Variants in SUGCT observed in about 807,000 individuals in gnomAD.
SUGCT encodes succinyl-CoA:glutarate-CoA transferase.
SUGCT carries 41 observed loss-of-function variants against 55.0 expected under a neutral mutation model. The observed-to-expected ratio is 0.74, with a 90% CI of 0.58 to 0.97. The LOEUF (loss-of-function observed/expected upper bound fraction) is 0.97. Ranked by LOEUF, SUGCT falls within the 50% of genes least tolerant of loss-of-function variation. The pLI, the probability that SUGCT is intolerant of heterozygous loss-of-function variation, is 0.00. For synonymous variants in SUGCT, 187 were observed against 200.4 expected (o/e 0.93, Z 0.56); for missense variants, 568 against 547.8 (o/e 1.04, Z -0.37).
intron 12 of SUGCT, among the ~76,000 whole-genome samples, chr7:40,565,184 A>T (rs1031789269): frequency 3.3e-5 from 5 of 152,196 alleles, no homozygotes; most frequent in Non-Finnish European, 5.9e-5. Flanking sequence ...TCAATTTTTT[A>T]CCATTACTCA....
chr7:40,859,134 A>G (rs1008287678), intron 13 of SUGCT, among the ~76,000 whole-genome samples: 4 of 152,242 alleles, frequency 2.6e-5, no homozygotes, highest in Non-Finnish European at 5.9e-5. Flanking sequence ...TCTTGTGACT[A>G]CTATATCATT....
intron 13 of SUGCT, among the ~76,000 whole-genome samples, chr7:40,789,511 T>G (rs1790201606): frequency 6.6e-6 from 1 of 152,220 alleles, no homozygotes; most frequent in African/African-American, 2.4e-5. Context: ...ATATACATTT[T>G]ATTAATCCAT....
the SUGCT span, among the ~76,000 whole-genome samples, chr7:40,940,671 A>T: frequency 6.6e-6 from 1 of 151,162 alleles, no homozygotes; most frequent in Non-Finnish European, 1.5e-5. Flanking sequence ...TCTTGATTTC[A>T]TTCTCAGATT....
intron 12 of SUGCT, among the ~76,000 whole-genome samples, chr7:40,510,213 A>G (rs1792844476): frequency 6.6e-6 from 1 of 152,110 alleles, no homozygotes; most frequent in Admixed American, 6.6e-5. Context: ...ATTTAATAAT[A>G]CTGTATTGCT....
chr7:40,532,178 T>C (rs989546256), intron 12 of SUGCT, among the ~76,000 whole-genome samples: 1 of 152,194 alleles, frequency 6.6e-6, no homozygotes, highest in Non-Finnish European at 1.5e-5. Flanking sequence ...TCTTCAGAAA[T>C]AAGGATCCAA....
chr7:40,454,851 A>G (rs1789391580), intron 10 of SUGCT, among the ~76,000 whole-genome samples: 1 of 152,202 alleles, frequency 6.6e-6, no homozygotes, highest in Non-Finnish European at 1.5e-5. Flanking sequence ...CCTCTAAAAT[A>G]ATTTTTCCAG....
At chr7:40,343,208 TG>T (rs1171034325) in intron 9 of SUGCT, among the ~76,000 whole-genome samples, 2 of 152,198 alleles carry the variant, frequency 1.3e-5, no homozygotes, top group Non-Finnish European at 2.9e-5. Flanking sequence ...TGTTTATTCC[TG>T]GGGTTATTAT....
At chr7:40,183,640 T>G (rs1307691987) in intron 3 of SUGCT, among the ~76,000 whole-genome samples, 1 of 152,230 alleles carries the variant, frequency 6.6e-6, no homozygotes, top group African/African-American at 2.4e-5. Flanking sequence ...CATTTTTTTC[T>G]ATTCCCAATA....
chr7:40,734,467 T>A (rs1249950906), intron 12 of SUGCT, among the ~76,000 whole-genome samples: 1 of 152,136 alleles, frequency 6.6e-6, no homozygotes, highest in Non-Finnish European at 1.5e-5. Flanking sequence ...ATAGAGATAA[T>A]AATGAAAAAT....
chr7:40,250,994 G>A (rs188968484), intron 7 of SUGCT, among the ~76,000 whole-genome samples: 3 of 146,488 alleles, frequency 2.0e-5, no homozygotes, highest in South Asian at 2.3e-4. Context: ...CTGCCACTGC[G>A]CCTAATTTTT....
At chr7:40,958,393 C>T in the SUGCT span, among the ~76,000 whole-genome samples, 16 of 151,856 alleles carry the variant, frequency 1.1e-4, no homozygotes, top group South Asian at 1.2e-3. Flanking sequence ...CTTGTCTTCA[C>T]GCTTTATTTC....
Position 40,378,114 on chromosome 7 carries a change from ATT to A in SUGCT, c.816+61268_816+61269del, listed in dbSNP as rs71000116. Among the ~76,000 whole-genome samples the A allele has an allele frequency of 3.3e-5, 5 of 151,614 alleles. 1 individual carries two copies. In the South Asian group the frequency reaches 8.3e-4, roughly 25 times the overall value. On this transcript the variant is annotated intron_variant, in intron 9 of 13. Transcript: ENST00000335693. Reference sequence around the variant, plus strand: ...ATTGAGCTTCTTTGATGTGTAGGATATTTTTTTTTTCCAAAAAAGATGGTACA... The same window carrying A: ...ATTGAGCTTCTTTGATGTGTAGGATATTTTTTTTCCAAAAAAGATGGTACA...
chr7:41,002,021 C>CT, the SUGCT span, among the ~76,000 whole-genome samples: 2 of 152,012 alleles, frequency 1.3e-5, no homozygotes, highest in Admixed American at 6.6e-5. Context: ...AGACTGCGAA[C>CT]TTTTTTTTGT....
At chr7:40,978,602 G>T in the SUGCT span, among the ~76,000 whole-genome samples, 1 of 152,178 alleles carries the variant, frequency 6.6e-6, no homozygotes, top group Non-Finnish European at 1.5e-5. Flanking sequence ...AGACTGCTGA[G>T]AAAGAAAATA....
chr7:40,577,158 A>G (rs1025385871), intron 12 of SUGCT, among the ~76,000 whole-genome samples: 1 of 152,222 alleles, frequency 6.6e-6, no homozygotes, highest in African/African-American at 2.4e-5. Flanking sequence ...TCTCAGATTC[A>G]TTGCGTAGCT....
intron 13 of SUGCT, among the ~76,000 whole-genome samples, chr7:40,751,417 GAT>G (rs1328290992): frequency 6.6e-6 from 1 of 152,140 alleles, no homozygotes; most frequent in African/African-American, 2.4e-5. Flanking sequence ...GAGTTTAGGT[GAT>G]AGTGTCTTAA....
chr7:40,867,858 A>G, the SUGCT span, among the ~76,000 whole-genome samples: 8 of 152,190 alleles, frequency 5.3e-5, no homozygotes, highest in Non-Finnish European at 1.0e-4. Context: ...TTGAGCTATC[A>G]TTACCTGGTT....
chr7:40,872,050 T>A, the SUGCT span, among the ~76,000 whole-genome samples: 86 of 152,168 alleles, frequency 5.7e-4, no homozygotes, highest in East Asian at 0.013. Flanking sequence ...GGATTGCTAC[T>A]GGCATCCAGG....
intron 7 of SUGCT, among the ~76,000 whole-genome samples, chr7:40,256,384 G>A (rs1365730330): frequency 2.6e-5 from 4 of 152,184 alleles, no homozygotes; most frequent in Admixed American, 2.0e-4. Flanking sequence ...AAGACCCATA[G>A]CAATGAAGCC....
Sources: gnomAD v4.1 joint callset for allele counts (sites outside exome capture counted in the v4.1 genomes callset) on GRCh38, gnomAD v4.1.1 for gene constraint, MANE v1.5 for transcripts, NCBI Gene and HGNC (gene_info 2026-07-23, HGNC 2026-07-21) for gene names.